Variants in KAZN observed in about 807,000 individuals in gnomAD.
KAZN encodes the protein kazrin.
In KAZN, 40 loss-of-function variants were observed where a neutral mutation model predicts 87.4. The ratio of observed to expected loss-of-function variants is 0.46; its 90% CI spans 0.36 to 0.60. KAZN has a LOEUF of 0.60. KAZN is among the 20% of genes least tolerant of loss of function. The pLI is 0.00. For synonymous variants in KAZN, 466 were observed against 458.3 expected (o/e 1.02, Z -0.22); for missense variants, 898 against 1,073.9 (o/e 0.84, Z 2.29).
rs1653557416 is a variant in KAZN, at chr1:14,883,318, A to AGAGAGAGAG, written c.227-77366_227-77365insGAGAGAGAG. On this transcript the variant is annotated intron_variant, in intron 1 of 14. Coordinates refer to ENST00000376030, the MANE Select transcript of KAZN (RefSeq NM_201628.3). Reference sequence around the variant, plus strand: ...CTCAAAAGAAAGAAAGAAAGAAAGAAAGAGAGAGAGAGAGAGAGAGAGAGA... The same window carrying AGAGAGAGAG: ...CTCAAAAGAAAGAAAGAAAGAAAGAAGAGAGAGAGAGAGAGAGAGAGAGAGAGAGAGAGA... Among the ~76,000 whole-genome samples the AGAGAGAGAG allele has an allele frequency of 7.8e-5, 3 of 38,592 alleles. 1 individual carries two copies. Among genetic ancestry groups the AGAGAGAGAG allele is most frequent in the African/African-American group, 2.3e-4 (3 of 13,050 alleles). The allele number at this position is 38,592 out of a possible 152,430, so 25.3% of individuals were successfully genotyped here.
intron 1 of KAZN, among the ~76,000 whole-genome samples, chr1:14,119,814 A>G (rs1352612804): frequency 6.6e-6 from 1 of 152,184 alleles, no homozygotes; most frequent in Non-Finnish European, 1.5e-5. Flanking sequence ...TACTGTACTA[A>G]GTTGGTTACT....
chr1:14,775,258 T>A (rs1489270376), intron 1 of KAZN, among the ~76,000 whole-genome samples: 1 of 152,240 alleles, frequency 6.6e-6, no homozygotes, highest in Admixed American at 6.5e-5. Flanking sequence ...TTTAGTAATG[T>A]GTGTCTTTGT....
At chr1:14,489,763 TAATAATAATG>T (rs1669551623) in intron 2 of KAZN, among the ~76,000 whole-genome samples, 1 of 149,104 alleles carries the variant, frequency 6.7e-6, no homozygotes, top group Non-Finnish European at 1.5e-5. Flanking sequence ...ATAATAATAA[TAATAATAATG>T]AATACACTGT....
intron 2 of KAZN, among the ~76,000 whole-genome samples, chr1:14,533,939 C>T (rs956848239): frequency 6.6e-6 from 1 of 152,162 alleles, no homozygotes; most frequent in African/African-American, 2.4e-5. Flanking sequence ...AACATCCTTG[C>T]CTCTCTGACT....
At chr1:14,774,499 C>T (rs112310514) in intron 1 of KAZN, among the ~76,000 whole-genome samples, 20,525 of 139,346 alleles carry the variant, frequency 0.15, 1,589 homozygotes, top group African/African-American at 0.21. Context: ...GAGACAAGAT[C>T]TCGCTGTGTC....
chr1:14,040,047 A>ATGTGTG (rs1557426675), intron 1 of KAZN, among the ~76,000 whole-genome samples: 3 of 151,114 alleles, frequency 2.0e-5, no homozygotes, highest in Non-Finnish European at 4.4e-5. Flanking sequence ...GTGTGTGTGC[A>ATGTGTG]CGTGTGTGTG....
Position 15,081,605 on chromosome 1 carries a change from G to A in KAZN, c.1223-12575G>A, listed in dbSNP as rs1197202391. On this transcript the variant is annotated intron_variant, in intron 8 of 14. Transcript: ENST00000376030. The surrounding 1 kb of genome is among the most constrained non-coding windows in gnomAD (Gnocchi z 4.1). Reference sequence around the variant, plus strand: ...GAGTGTGTGTGTTGGGGAGTTGTAGGGTACCCACACTAGGTGACCAGGAAA... The same window carrying A: ...GAGTGTGTGTGTTGGGGAGTTGTAGAGTACCCACACTAGGTGACCAGGAAA... 6.6e-6 allele frequency among the ~76,000 whole-genome samples: 1 copy of A among 152,000 alleles called. No individual in the cohort carries two copies. Among genetic ancestry groups the A allele is most frequent in the Non-Finnish European group, 1.5e-5 (1 of 68,006 alleles).
intron 4 of KAZN, among the ~76,000 whole-genome samples, chr1:15,044,947 T>A (rs2100351648): frequency 6.6e-6 from 1 of 152,338 alleles, no homozygotes; most frequent in South Asian, 2.1e-4. Flanking sequence ...CAAATAATTT[T>A]TTCCTAACCC....
At chr1:13,928,302 T>C (rs576709982) in intron 1 of KAZN, among the ~76,000 whole-genome samples, 1 of 152,346 alleles carries the variant, frequency 6.6e-6, no homozygotes, top group East Asian at 1.9e-4. Flanking sequence ...TGTATGATGA[T>C]GATGATGACA....
chr1:14,262,221 C>G (rs1315344875), intron 2 of KAZN, among the ~76,000 whole-genome samples: 1 of 151,728 alleles, frequency 6.6e-6, no homozygotes, highest in African/African-American at 2.4e-5. Context: ...TGAGACGAGC[C>G]CTAGCAATAT....
At chr1:15,102,700 C>T (rs1641119937) in intron 11 of KAZN, among the ~76,000 whole-genome samples, 1 of 152,218 alleles carries the variant, frequency 6.6e-6, no homozygotes, top group South Asian at 2.1e-4. Flanking sequence ...GGGTCAGTCC[C>T]TGTGGGACCC....
intron 1 of KAZN, among the ~76,000 whole-genome samples, chr1:14,164,768 A>G (rs975570411): frequency 3.3e-5 from 5 of 151,712 alleles, no homozygotes; most frequent in African/African-American, 9.7e-5. Context: ...CCAAATCCTA[A>G]CCTCAGGTGA....
intron 2 of KAZN, among the ~76,000 whole-genome samples, chr1:14,977,903 T>C (rs1219412624): frequency 5.4e-5 from 8 of 148,306 alleles, no homozygotes; most frequent in African/African-American, 1.7e-4. Flanking sequence ...TTTTTTTTTT[T>C]TTTTTTTGAG....
At chr1:14,495,022 G>A (rs192926985) in intron 2 of KAZN, among the ~76,000 whole-genome samples, 1 of 152,306 alleles carries the variant, frequency 6.6e-6, no homozygotes, top group Admixed American at 6.5e-5. Context: ...AAGGAAAGAA[G>A]AAGAAATGAA....
At chr1:14,394,172 C>T (rs946541721) in intron 2 of KAZN, among the ~76,000 whole-genome samples, 2 of 152,188 alleles carry the variant, frequency 1.3e-5, no homozygotes, top group Non-Finnish European at 2.9e-5. Flanking sequence ...TGCGTTAACG[C>T]AATGATGCTG....
chr1:14,451,128 A>G (rs1667248046), intron 2 of KAZN, among the ~76,000 whole-genome samples: 1 of 152,166 alleles, frequency 6.6e-6, no homozygotes, highest in Non-Finnish European at 1.5e-5. Flanking sequence ...CCTATACAGC[A>G]TGCAGAACCA....
At chr1:14,151,561 G>A (rs1468392031) in intron 1 of KAZN, among the ~76,000 whole-genome samples, 1 of 152,156 alleles carries the variant, frequency 6.6e-6, no homozygotes, top group Admixed American at 6.5e-5. Flanking sequence ...AGGCACTCTG[G>A]AAACGGATAA....
intron 1 of KAZN, among the ~76,000 whole-genome samples, chr1:13,898,349 G>T (rs1226022496): frequency 2.6e-5 from 4 of 152,186 alleles, no homozygotes; most frequent in African/African-American, 7.2e-5. Context: ...GCAGTCTATT[G>T]GTTGGGTGAC....
In KAZN at chr1:14,078,119, C is replaced by G. The variant is rs77897944; in HGVS notation, c.92-102316C>G. ...AGGGGTTCATGTATTCTTGCACCTT[C>G]TGTATTTTTACTTCTCCATGTGGTT... On this transcript the variant is annotated intron_variant, in intron 1 of 16. Transcript: ENST00000636203. 3.1e-3 allele frequency among the ~76,000 whole-genome samples: 473 copies of G among 152,316 alleles called. 2 individuals carry two copies. The highest frequency in any genetic ancestry group is 0.01 in the African/African-American group (436 of 41,566).
Sources: gnomAD v4.1 joint callset for allele counts (sites outside exome capture counted in the v4.1 genomes callset) on GRCh38, gnomAD v4.1.1 for gene constraint, Gnocchi (gnomAD v3.1) non-coding constraint, MANE v1.5 for transcripts, NCBI Gene and HGNC (gene_info 2026-07-23, HGNC 2026-07-21) for gene names.